The following DNAAF4 variants were observed in gnomAD, a reference collection of about 807,000 sequenced individuals.
DNAAF4 encodes the protein dynein axonemal assembly factor 4, also known as dynein assembly factor 4, axonemal.
A neutral mutation model predicts 51.8 loss-of-function variants in DNAAF4; 43 were observed. The observed-to-expected ratio is 0.83, with a 90% confidence interval of 0.65 to 1.07. The LOEUF is 1.07. DNAAF4 is among the 50% of genes least tolerant of loss of function. DNAAF4 has a pLI of 0.00. For synonymous variants in DNAAF4, 194 were observed against 165.6 expected, an observed-to-expected ratio of 1.17 and a Z score of -1.32; for missense variants, 581 against 493.0, an observed-to-expected ratio of 1.18 and a Z score of -1.69.
At chr15:55,507,188 A>G (rs565591949) in intron 1 of DNAAF4, among the ~76,000 whole-genome samples, 2 of 152,302 alleles carry the variant, frequency 1.3e-5, no homozygotes, top group South Asian at 4.1e-4. Flanking sequence ...TGAATCCACT[A>G]GATAAGGATT....
At position 55,430,504 on chromosome 15, in the gene DNAAF4, T is replaced by C; in HGVS notation, c.*166A>G. ...TTTAGATTTACTTATTCAGAAATGA[T>C]TCAAGTCAAACAGTTTATTTTCTAT... On this transcript the variant is annotated 3_prime_UTR_variant, in exon 10 of 10. Transcript: ENST00000321149. The C allele has an allele frequency of 1.7e-6, 2 of 1,206,224 alleles. No homozygotes were observed. Among genetic ancestry groups the C allele is most frequent in the Non-Finnish European group, 1.0e-6 (1 of 957,386 alleles). 74.7% of individuals were successfully genotyped at this position (1,206,224 alleles called of 1,614,324 possible).
chr15:55,432,412 T>G, intron 9 of DNAAF4, 85 bp downstream of exon 9: 2 of 1,117,304 alleles, frequency 1.8e-6, no homozygotes, highest in South Asian at 3.2e-5. Flanking sequence ...AATGGAGTCC[T>G]TAAAAGTCAC....
Position 55,488,736 on chromosome 15 carries a change from T to C in DNAAF4, c.405+2387A>G, listed in dbSNP as rs536518710. Among the ~76,000 whole-genome samples the C allele has an allele frequency of 9.3e-4, 141 of 152,292 alleles. 2 individuals carry two copies. The highest frequency in any genetic ancestry group is 3.3e-3 in the African/African-American group (138 of 41,562). ...ATAACCCGTATCTTCATATTTTATA[T>C]ATTAATTCCTCTAAATCACCTTTCC... On this transcript the variant is annotated intron_variant, in intron 4 of 9. Transcript: ENST00000321149.
intron 9 of DNAAF4, among the ~76,000 whole-genome samples, chr15:55,431,528 G>A (rs563012091): frequency 2.0e-5 from 3 of 147,714 alleles, no homozygotes; most frequent in Admixed American, 6.8e-5. Flanking sequence ...AGGCTGTAGC[G>A]CAGTGGCGTG....
At chr15:55,441,565 CCCA>C (rs1813428353) in intron 6 of DNAAF4, among the ~76,000 whole-genome samples, 1 of 151,230 alleles carries the variant, frequency 6.6e-6, no homozygotes, top group African/African-American at 2.4e-5. Context: ...CCTCCCCCCT[CCCA>C]CCACCCCACA....
downstream of DNAAF4, among the ~76,000 whole-genome samples, chr15:55,428,484 C>CTTTTTTTTT (rs747325376): frequency 0.021 from 1,762 of 85,150 alleles, 18 homozygotes; most frequent in Non-Finnish European, 0.028. Flanking sequence ...TCTTTTTTTT[C>CTTTTTTTTT]TTTTTTTTTT....
chr15:55,437,781 G>A (rs1413604851), intron 7 of DNAAF4, among the ~76,000 whole-genome samples: 1 of 152,066 alleles, frequency 6.6e-6, no homozygotes, highest in Non-Finnish European at 1.5e-5. Context: ...CTTAGAAGCC[G>A]GAAATTTAAG....
intron 6 of DNAAF4, among the ~76,000 whole-genome samples, chr15:55,445,957 C>CGGGGCGGGG (rs2057797283): frequency 8.3e-6 from 1 of 120,076 alleles, no homozygotes; most frequent in Non-Finnish European, 1.7e-5. Context: ...ACCTCCCAGA[C>CGGGGCGGGG]GGGGCGGCCG....
chr15:55,476,913 G>A (rs2058342610), intron 4 of DNAAF4, among the ~76,000 whole-genome samples: 1 of 152,222 alleles, frequency 6.6e-6, no homozygotes, highest in South Asian at 2.1e-4. Context: ...GCTCACGCCT[G>A]TAATCCCCGA....
intron 4 of DNAAF4, among the ~76,000 whole-genome samples, chr15:55,487,213 T>C (rs2141575078): frequency 6.6e-6 from 1 of 152,282 alleles, no homozygotes; most frequent in Middle Eastern, 3.4e-3. Flanking sequence ...ATCAGCGCTC[T>C]GTGTCTAGCT....
intron 5 of DNAAF4, among the ~76,000 whole-genome samples, chr15:55,461,516 C>T (rs1300720612): frequency 2.6e-5 from 4 of 152,124 alleles, no homozygotes; most frequent in Non-Finnish European, 4.4e-5. Flanking sequence ...ATGGAAATTA[C>T]GTAACCTGCC....
intron 9 of DNAAF4, among the ~76,000 whole-genome samples, chr15:55,431,359 TACACACACACAC>T (rs34741079): frequency 4.0e-5 from 6 of 149,410 alleles, no homozygotes; most frequent in African/African-American, 7.4e-5. Flanking sequence ...GGTGTGTGTA[TACACACACACAC>T]ACACACACAC....
chr15:55,490,368 A>G (rs2058554538), intron 4 of DNAAF4, among the ~76,000 whole-genome samples: 1 of 152,150 alleles, frequency 6.6e-6, no homozygotes, highest in African/African-American at 2.4e-5. Context: ...TGAATGTACT[A>G]AAAACTATTA....
chr15:55,450,295 C>A lies in DNAAF4; in HGVS notation c.710G>T (p.Ser237Ile). The change falls in exon 6 of 10, where the codon AGT (serine) becomes ATT (isoleucine). Residue 237 changes from serine (S) to isoleucine (I), a missense_variant. Ser to Ile is a moderately radical substitution (Grantham distance 142). Coordinates refer to ENST00000321149, the MANE Select transcript of DNAAF4 (RefSeq NM_130810.4). ...TCGAGGGGTAAAGTTGATTTTAATA[C>A]TGCCAACAGAGCGAGGAGCAGGAAT... Reference protein sequence around the residue: ...DSIPAPRSVGSIKINFTPRVF... With the variant: ...DSIPAPRSVGIIKINFTPRVF... The A allele has an allele frequency of 6.2e-7, 1 of 1,614,034 alleles. No homozygotes were observed. The highest frequency in any genetic ancestry group is 8.5e-7 in the Non-Finnish European group (1 of 1,180,004).
At chr15:55,447,494 T>C (rs770286426) in intron 6 of DNAAF4, among the ~76,000 whole-genome samples, 12 of 151,044 alleles carry the variant, frequency 7.9e-5, no homozygotes, top group Non-Finnish European at 1.5e-4. Flanking sequence ...ACATTGAGCA[T>C]TGAGTGAGCA....
At chr15:55,461,062 GCCATC>G (rs1484062060) in intron 5 of DNAAF4, among the ~76,000 whole-genome samples, 7 of 151,374 alleles carry the variant, frequency 4.6e-5, no homozygotes, top group African/African-American at 1.7e-4. Flanking sequence ...ACTGCGCCCA[GCCATC>G]TCAATAATTT....
At chr15:55,456,283 T>C (rs2058019789) in intron 5 of DNAAF4, among the ~76,000 whole-genome samples, 1 of 152,058 alleles carries the variant, frequency 6.6e-6, no homozygotes, top group Non-Finnish European at 1.5e-5. Context: ...GGTTTCTCCA[T>C]GTTGGTCAGG....
At chr15:55,428,849 A>C (rs1422623005), downstream of DNAAF4, among the ~76,000 whole-genome samples, 1 of 152,048 alleles carries the variant, frequency 6.6e-6, no homozygotes, top group African/African-American at 2.4e-5. Context: ...TGCCACCTCT[A>C]GCAGTGTCTC....
chr15:55,430,350 A>G lies in DNAAF4; in HGVS notation c.*320T>C. 1.0e-6 allele frequency: 1 copy of G among 976,350 alleles called. No individual in the cohort carries two copies. Among genetic ancestry groups the G allele is most frequent in the South Asian group, 4.7e-5 (1 of 21,210 alleles). The allele number at this position is 976,350 out of a possible 1,614,324, so 60.5% of individuals were successfully genotyped here. ...ATTTTAAAATTCTACCTTGTTAAAAATTAATCAGTAAGTGTCCTGGTAACT... is the reference window on the plus strand; with the variant it reads ...ATTTTAAAATTCTACCTTGTTAAAAGTTAATCAGTAAGTGTCCTGGTAACT... On this transcript the variant is annotated 3_prime_UTR_variant, in exon 10 of 10. Coordinates refer to ENST00000321149, the MANE Select transcript of DNAAF4 (RefSeq NM_130810.4).
Sources: gnomAD v4.1 joint callset for allele counts (sites outside exome capture counted in the v4.1 genomes callset) on GRCh38, gnomAD v4.1.1 for gene constraint, MANE v1.5 for transcripts, NCBI Gene and HGNC (gene_info 2026-07-23, HGNC 2026-07-21) for gene names.